Variants in PIP5K1B observed in about 807,000 individuals in gnomAD.
The protein encoded by PIP5K1B is phosphatidylinositol 4-phosphate 5-kinase type-1 beta.
Under a neutral mutation model 67.0 loss-of-function variants are expected in PIP5K1B, and 42 were observed. That is an observed-to-expected ratio of 0.63 (90% CI 0.49 to 0.81). The LOEUF (loss-of-function observed/expected upper bound fraction) is 0.81, where lower values mean the gene tolerates loss of function less well. PIP5K1B is among the 30% of genes least tolerant of loss of function. The pLI, the probability that PIP5K1B is intolerant of heterozygous loss-of-function variation, is 0.00. For synonymous variants in PIP5K1B, 214 were observed against 231.4 expected (o/e 0.92, Z 0.68); for missense variants, 459 against 646.3 (o/e 0.71, Z 3.14).
chr9:68,978,768 T>A lies in PIP5K1B; in HGVS notation c.1503-12372T>A, dbSNP rs145416340. Among the ~76,000 whole-genome samples the A allele has an allele frequency of 4.6e-5, 7 of 152,332 alleles. No individual in the cohort carries two copies. In the East Asian group the frequency reaches 9.6e-4, roughly 21 times the overall value. ...GAAATCTTTGTAGTTCCATAAATTT[T>A]GAAAAATATGTACCCAAGTTACCAT... On this transcript the variant is annotated intron_variant, in intron 14 of 15. Coordinates refer to ENST00000265382, the MANE Select transcript of PIP5K1B (RefSeq NM_003558.4).
chr9:68,802,613 G>A (rs1370435767), intron 2 of PIP5K1B, among the ~76,000 whole-genome samples: 1 of 152,194 alleles, frequency 6.6e-6, no homozygotes, highest in African/African-American at 2.4e-5. Context: ...TGCCTCAGGA[G>A]GGGTAGGAGA....
At chr9:68,750,499 A>G (rs1829569561) in intron 2 of PIP5K1B, among the ~76,000 whole-genome samples, 2 of 152,216 alleles carry the variant, frequency 1.3e-5, no homozygotes, top group Non-Finnish European at 2.9e-5. Flanking sequence ...CAAATGTGTG[A>G]AATATTTAGC....
intron 14 of PIP5K1B, among the ~76,000 whole-genome samples, chr9:68,966,885 A>T (rs1829064391): frequency 6.6e-6 from 1 of 152,220 alleles, no homozygotes; most frequent in Admixed American, 6.5e-5. Context: ...ACTTGAAATG[A>T]TGGGAAACTC....
chr9:69,005,881 C>CTT (rs1554755998), intron 15 of PIP5K1B, among the ~76,000 whole-genome samples: 15 of 147,100 alleles, frequency 1.0e-4, no homozygotes, highest in Non-Finnish European at 1.7e-4. Context: ...TCATTTCTTT[C>CTT]TTTTTTTTTT....
intron 15 of PIP5K1B, among the ~76,000 whole-genome samples, chr9:69,007,048 A>G (rs1216958292): frequency 6.6e-6 from 1 of 152,108 alleles, no homozygotes; most frequent in Admixed American, 6.6e-5. Context: ...ACCTCTTCCT[A>G]CAGATTATTT....
At chr9:68,716,241 A>C (rs1015875350) in intron 1 of PIP5K1B, among the ~76,000 whole-genome samples, 4 of 152,234 alleles carry the variant, frequency 2.6e-5, no homozygotes, top group African/African-American at 9.6e-5. Flanking sequence ...GTTACATCTG[A>C]CTTGCTCTGC....
At chr9:68,800,587 T>G (rs566042444) in intron 2 of PIP5K1B, among the ~76,000 whole-genome samples, 1 of 152,258 alleles carries the variant, frequency 6.6e-6, no homozygotes, top group Non-Finnish European at 1.5e-5. Flanking sequence ...TGTGTGATTC[T>G]ATAGTTAGTG....
chr9:68,836,784 G>T (rs762010520), intron 4 of PIP5K1B, among the ~76,000 whole-genome samples: 1 of 152,178 alleles, frequency 6.6e-6, no homozygotes, highest in Admixed American at 6.5e-5. Flanking sequence ...TCAAGGGAAG[G>T]CTGTCTTACC....
rs575078467 is a variant in PIP5K1B at position 68,838,686 on chromosome 9, A to G, written c.69+16003A>G. 3.9e-5 allele frequency among the ~76,000 whole-genome samples: 6 copies of G among 152,328 alleles called. No individual in the cohort carries two copies. In the East Asian group the frequency reaches 1.2e-3, roughly 29 times the overall value. ...GGGTGACAGGATTGATTGCACCCCAAACCTCAGCATCGCACATTATACCTG... is the reference window on the plus strand; with the variant it reads ...GGGTGACAGGATTGATTGCACCCCAGACCTCAGCATCGCACATTATACCTG... On this transcript the variant is annotated intron_variant, in intron 4 of 15. Transcript: ENST00000265382.
At chr9:68,879,281 TAGAC>T (rs1824053077) in intron 6 of PIP5K1B, among the ~76,000 whole-genome samples, 3 of 152,118 alleles carry the variant, frequency 2.0e-5, no homozygotes. Flanking sequence ...AAATGTGAAT[TAGAC>T]AGCCAGGCAC....
At chr9:68,834,299 G>A (rs895963774) in intron 4 of PIP5K1B, among the ~76,000 whole-genome samples, 8 of 152,106 alleles carry the variant, frequency 5.3e-5, no homozygotes, top group Non-Finnish European at 5.9e-5. Flanking sequence ...TCCTTCCCAC[G>A]CAAGCTGATC....
chr9:68,834,720 G>A (rs1454323893), intron 4 of PIP5K1B, among the ~76,000 whole-genome samples: 1 of 152,190 alleles, frequency 6.6e-6, no homozygotes. Context: ...TACTGTGGAT[G>A]TTCACAGAAA....
At chr9:68,761,402 AATTT>A (rs1830178125) in intron 2 of PIP5K1B, among the ~76,000 whole-genome samples, 1 of 152,080 alleles carries the variant, frequency 6.6e-6, no homozygotes, top group Admixed American at 6.6e-5. Flanking sequence ...TTACAGAAAT[AATTT>A]ATTTCTTCTC....
At chr9:68,933,380 T>G (rs1827100754) in intron 12 of PIP5K1B, among the ~76,000 whole-genome samples, 1 of 152,236 alleles carries the variant, frequency 6.6e-6, no homozygotes, top group African/African-American at 2.4e-5. Context: ...AAAACAAGTG[T>G]AACCACTGTT....
Position 68,875,295 on chromosome 9 carries a change from CAAAAAAAAAAAAAAAAA to C in PIP5K1B, c.201-1367_201-1351del, listed in dbSNP as rs147022066. ...GCCAGCTCCATCCTCTGGTACTCAG[CAAAAAAAAAAAAAAAAA>C]AAAAAAAAAAAAAACAGTCATCTGT... On this transcript the variant is annotated intron_variant, in intron 5 of 15. Transcript: ENST00000265382. Among the ~76,000 whole-genome samples, 79 of 44,846 alleles carry C rather than the reference CAAAAAAAAAAAAAAAAA, an allele frequency of 1.8e-3. 2 individuals are homozygous for C. The Admixed American group carries it at 0.03, about 17-fold the overall frequency. The allele number at this position is 44,846 out of a possible 152,430, so 29.4% of individuals were successfully genotyped here. A position where few individuals can be genotyped will look rare whatever the true frequency, so the allele number is the denominator to read the frequency against.
intron 14 of PIP5K1B, among the ~76,000 whole-genome samples, chr9:68,952,777 C>T (rs1324284233): frequency 6.6e-6 from 1 of 151,936 alleles, no homozygotes; most frequent in Non-Finnish European, 1.5e-5. Flanking sequence ...CTGTAAATGG[C>T]TTGCTTTCTT....
At chr9:68,880,223 A>G (rs1824112160) in intron 6 of PIP5K1B, among the ~76,000 whole-genome samples, 1 of 152,186 alleles carries the variant, frequency 6.6e-6, no homozygotes, top group African/African-American at 2.4e-5. Flanking sequence ...TAATTTCACA[A>G]TTCTTTTCGC....
chr9:68,849,883 T>G (rs1220878650), intron 4 of PIP5K1B, among the ~76,000 whole-genome samples: 1 of 152,230 alleles, frequency 6.6e-6, no homozygotes, highest in Non-Finnish European at 1.5e-5. Flanking sequence ...AGCAATGGTA[T>G]CTTTATGGAT....
intron 4 of PIP5K1B, among the ~76,000 whole-genome samples, chr9:68,840,957 T>A (rs17058128): frequency 0.028 from 4,262 of 152,344 alleles, 210 homozygotes; most frequent in African/African-American, 0.096. Flanking sequence ...TCTGCAGCTC[T>A]TTGTTATGCC....
Sources: gnomAD v4.1 joint callset for allele counts (sites outside exome capture counted in the v4.1 genomes callset) on GRCh38, gnomAD v4.1.1 for gene constraint, MANE v1.5 for transcripts, NCBI Gene and HGNC (gene_info 2026-07-23, HGNC 2026-07-21) for gene names.